FAM83G: variants seen among roughly 807,000 people sequenced by gnomAD.
FAM83G encodes protein FAM83G.
Under a neutral mutation model 61.5 loss-of-function variants are expected in FAM83G, and 38 were observed. The observed-to-expected ratio is 0.62, with a 90% CI of 0.48 to 0.81. The LOEUF is 0.81. FAM83G is among the 30% of genes least tolerant of loss of function. FAM83G has a pLI of 0.00. For missense variants in FAM83G, 989 were observed against 1,133.6 expected (o/e 0.87, Z 1.83); for synonymous variants, 470 against 476.1 (o/e 0.99, Z 0.17).
chr17:18,996,761 G>A lies in FAM83G; in HGVS notation c.522+6759C>T, dbSNP rs79096555. Reference sequence around the variant, plus strand: ...GGCCACCCTGTCAACTAGTGGCAGAGGTCTCCTGTTCCTAGGCTTTTCTCC... The same window carrying A: ...GGCCACCCTGTCAACTAGTGGCAGAAGTCTCCTGTTCCTAGGCTTTTCTCC... On this transcript the variant is annotated intron_variant, in intron 2 of 5. Coordinates refer to ENST00000388995, the MANE Select transcript of FAM83G (RefSeq NM_001039999.3). The surrounding 1 kb of genome is among the most constrained non-coding windows in gnomAD (Gnocchi z 4.4). Among the ~76,000 whole-genome samples, 1,532 of 152,312 alleles carry A rather than the reference G, an allele frequency of 0.01. 88 individuals carry two copies. In the East Asian group the frequency reaches 0.17, roughly 17 times the overall value.
chr17:18,995,143 C>G (rs950856657), intron 2 of FAM83G, among the ~76,000 whole-genome samples: 2 of 151,916 alleles, frequency 1.3e-5, no homozygotes, highest in African/African-American at 4.8e-5. Context: ...CACAAAGAAA[C>G]AAGAAAACAT....
rs1165670943 is a variant in FAM83G, at chr17:19,003,105, C to A, written c.522+415G>T. ...TTGGACCATGCCTATTCCCTCACCC[C>A]ACAACAAAAGCTCTCCCCACCAGAG... On this transcript the variant is annotated intron_variant, in intron 2 of 5. Coordinates refer to ENST00000388995, the MANE Select transcript of FAM83G (RefSeq NM_001039999.3). The surrounding 1 kb of genome is among the most constrained non-coding windows in gnomAD (Gnocchi z 4.5). Among the ~76,000 whole-genome samples the A allele has an allele frequency of 6.6e-6, 1 of 151,986 alleles. No homozygotes were observed. The highest frequency in any genetic ancestry group is 1.9e-4 in the East Asian group (1 of 5,198).
intron 4 of FAM83G, chr17:18,979,090 C>A (rs2043063155): frequency 1.7e-6 from 1 of 581,646 alleles, no homozygotes; most frequent in Non-Finnish European, 3.1e-6. Flanking sequence ...TCCTCTCAGG[C>A]TGGTACAGGA....
Position 18,996,275 on chromosome 17 carries a change from C to T in FAM83G, c.522+7245G>A, listed in dbSNP as rs899241748. Among the ~76,000 whole-genome samples, 1 of 152,188 alleles carries T rather than the reference C, an allele frequency of 6.6e-6. No homozygotes were observed. The highest frequency in any genetic ancestry group is 2.1e-4 in the South Asian group (1 of 4,826). Reference sequence around the variant, plus strand: ...AGACCCGCACTCCCTCCTCCAGCTGCAACCCCCTCCTCCAGCAGCACGGTT... The same window carrying T: ...AGACCCGCACTCCCTCCTCCAGCTGTAACCCCCTCCTCCAGCAGCACGGTT... On this transcript the variant is annotated intron_variant, in intron 2 of 5. Transcript: ENST00000388995. The surrounding 1 kb of genome is among the most constrained non-coding windows in gnomAD (Gnocchi z 4.4).
chr17:18,995,792 C>T (rs991323465), intron 2 of FAM83G, among the ~76,000 whole-genome samples: 6 of 152,052 alleles, frequency 3.9e-5, no homozygotes, highest in Admixed American at 3.9e-4. Context: ...CCTATAATCC[C>T]AGCTACTTGG....
Position 18,978,053 on chromosome 17 carries a change from C to T in FAM83G, c.1613G>A (p.Gly538Glu). ...ELPKEEAPQN[G>E]TDHRLPRMAG... Reference sequence around the variant, plus strand: ...CATCCTGGGTAGCCTATGGTCTGTCCCATTCTGGGGAGCTTCCTCTTTGGG... The same window carrying T: ...CATCCTGGGTAGCCTATGGTCTGTCTCATTCTGGGGAGCTTCCTCTTTGGG... The change falls in exon 5 of 6, where the codon GGG (glycine) becomes GAG (glutamate). Residue 538 changes from glycine to glutamate, a missense_variant. By Grantham distance (98) the Gly-to-Glu change is moderately conservative. Coordinates refer to ENST00000388995, the MANE Select transcript of FAM83G (RefSeq NM_001039999.3). 6.6e-7 allele frequency: 1 copy of T among 1,523,104 alleles called. No homozygotes were observed. 94.3% of individuals were successfully genotyped at this position (1,523,104 alleles called of 1,614,324 possible).
In FAM83G at chr17:18,978,612, C is replaced by T. The variant is rs772239714; in HGVS notation, c.1054G>A (p.Val352Ile). Residue 352 changes from valine (V) to isoleucine (I), a missense_variant, in exon 5 of 6, where the codon GTC (valine) becomes ATC (isoleucine). Physicochemically the swap from Val to Ile is conservative, Grantham distance 29. This residue lies in a region of FAM83G where 574 missense variants were observed against 645.1 expected (regional missense o/e 0.89). Transcript: ENST00000388995. ...KKLVNPKYAL[V>I]KAKSVDEIAK... ...ATCTCGTCGACGCTCTTGGCCTTGA[C>T]AAGTGCGTACTTGGGGTTGACGAGC... 2 of 1,613,172 alleles carry T rather than the reference C, an allele frequency of 1.2e-6. No individual in the cohort carries two copies. Among genetic ancestry groups the T allele is most frequent in the Non-Finnish European group, 1.7e-6 (2 of 1,180,008 alleles).
rs1380016143 is a variant in FAM83G at position 18,969,075 on chromosome 17, G to A, written c.*2284C>T. On this transcript the variant is annotated 3_prime_UTR_variant, in exon 6 of 6. Coordinates refer to ENST00000388995, the MANE Select transcript of FAM83G (RefSeq NM_001039999.3). ...AGCTGGACCTGTACGCGGGGGCTCT[G>A]TTTGTGCACATCTGCCTGGGCTGGA... 6.2e-7 allele frequency: 1 copy of A among 1,614,046 alleles called. No homozygotes were observed. The highest frequency in any genetic ancestry group is 8.5e-7 in the Non-Finnish European group (1 of 1,179,956).
At chr17:18,997,216 G>A (rs1029400559) in intron 2 of FAM83G, among the ~76,000 whole-genome samples, 4 of 152,234 alleles carry the variant, frequency 2.6e-5, no homozygotes, top group Non-Finnish European at 4.4e-5. Flanking sequence ...CTAGCCCAGT[G>A]GCATGAAGGC....
chr17:18,995,122 A>C (rs1438957527), intron 2 of FAM83G, among the ~76,000 whole-genome samples: 22 of 152,256 alleles, frequency 1.4e-4, no homozygotes, highest in Admixed American at 1.4e-3. Context: ...CCAATTAAAA[A>C]TTACCAGACA....
rs1056479091 is a variant in FAM83G at position 19,004,645 on chromosome 17, G to A, written c.-129+64C>T. 2.0e-5 allele frequency: 3 copies of A among 151,946 alleles called. No individual in the cohort carries two copies. Among genetic ancestry groups the A allele is most frequent in the Admixed American group, 6.5e-5 (1 of 15,274 alleles). 9.4% of individuals were successfully genotyped at this position (151,946 alleles called of 1,614,324 possible). ...AGGGGTCCAGGAGACCCAGAAACGCGGTTGCGGGGCGGCGACGCCCCGCGA... is the reference window on the plus strand; with the variant it reads ...AGGGGTCCAGGAGACCCAGAAACGCAGTTGCGGGGCGGCGACGCCCCGCGA... On this transcript the variant is annotated intron_variant, in intron 1 of 5. Coordinates refer to ENST00000388995, the MANE Select transcript of FAM83G (RefSeq NM_001039999.3). The surrounding 1 kb of genome is among the most constrained non-coding windows in gnomAD (Gnocchi z 5.4).
chr17:19,005,656 C>CCA (rs2043866311), upstream of FAM83G, among the ~76,000 whole-genome samples: 1 of 151,960 alleles, frequency 6.6e-6, no homozygotes, highest in South Asian at 2.1e-4. Flanking sequence ...AACCCCCCCC[C>CCA]TCCAAGGCCT....
intron 3 of FAM83G, among the ~76,000 whole-genome samples, chr17:18,979,943 G>GA (rs1755207921): frequency 6.6e-6 from 1 of 152,200 alleles, no homozygotes; most frequent in African/African-American, 2.4e-5. Context: ...GGCCCTAAAG[G>GA]TGTCTGAAGA....
Position 18,978,234 on chromosome 17 carries a change from G to A in FAM83G, c.1432C>T (p.Pro478Ser). The A allele has an allele frequency of 4.4e-6, 7 of 1,589,690 alleles. No individual in the cohort carries two copies. The highest frequency in any genetic ancestry group is 6.0e-6 in the Non-Finnish European group (7 of 1,167,176). The change falls in exon 5 of 6, where the codon CCA (proline) becomes TCA (serine). Residue 478 changes from proline (P) to serine (S), a missense_variant. By Grantham distance (74) the Pro-to-Ser change is moderately conservative. This residue lies in a region of FAM83G where 574 missense variants were observed against 645.1 expected (regional missense o/e 0.89). Coordinates refer to ENST00000388995, the MANE Select transcript of FAM83G (RefSeq NM_001039999.3). ...CCGTCCTGGGGGGCACTGGGCTCTG[G>A]GGGAGGGCAAGGCTCTGGACGGGGC... is the stretch of plus-strand genomic sequence containing the variant. The part of the protein sequence containing the change: ...SRPRPEPCPP[P>S]EPSAPQDGVP...
chr17:18,971,671 G>C lies in FAM83G; in HGVS notation c.2160C>G (p.Tyr720Ter), dbSNP rs1830175065. Residue 720 changes from tyrosine to a stop codon, truncating the protein, a stop_gained, in exon 6 of 6, where the codon TAC (tyrosine) becomes TAG (stop). Transcript: ENST00000388995. LOFTEE classifies it high-confidence loss of function. This position sits in a 1 kb window ranked among gnomAD's most constrained non-coding sequence, Gnocchi z 5.5. ...TCTGGACGCTGTCAGCAGCAGAGCG[G>C]TACCTAGGGGGTCCTGGGAAGCCGT... ...DKDGFPGPPR[Y>*]RSAADSVQSS... 6.2e-7 allele frequency: 1 copy of C among 1,611,632 alleles called. No homozygotes were observed. Among genetic ancestry groups the C allele is most frequent in the Non-Finnish European group, 8.5e-7 (1 of 1,178,748 alleles).
Position 18,970,527 on chromosome 17 carries a change from G to GACGC in FAM83G, c.*831_*832insGCGT. 5.8e-6 allele frequency: 1 copy of GACGC among 173,188 alleles called. No homozygotes were observed. The highest frequency in any genetic ancestry group is 1.3e-4 in the South Asian group (1 of 7,430). 10.7% of individuals were successfully genotyped at this position (173,188 alleles called of 1,614,324 possible). A position where few individuals can be genotyped will look rare whatever the true frequency, so the allele number is the denominator to read the frequency against. ...CTCTGGACCTGTCTCCCTCTTCTCT[G>GACGC]TGCCTCAGGGGGTGGGGCCACATCA... On this transcript the variant is annotated 3_prime_UTR_variant, in exon 6 of 6. Coordinates refer to ENST00000388995, the MANE Select transcript of FAM83G (RefSeq NM_001039999.3).
chr17:18,990,409 CCT>C, intron 2 of FAM83G, among the ~76,000 whole-genome samples: 1 of 152,240 alleles, frequency 6.6e-6, no homozygotes, highest in Non-Finnish European at 1.5e-5. Flanking sequence ...CCCAGAATCT[CCT>C]TAGTTAAGCC....
chr17:18,985,446 G>C (rs1597864262), intron 3 of FAM83G, among the ~76,000 whole-genome samples: 1 of 152,320 alleles, frequency 6.6e-6, no homozygotes, highest in East Asian at 1.9e-4. Flanking sequence ...ACCCTGCCTG[G>C]GCCCAAAGGA....
chr17:18,995,458 T>C (rs530072997), intron 2 of FAM83G, among the ~76,000 whole-genome samples: 1 of 152,274 alleles, frequency 6.6e-6, no homozygotes, highest in South Asian at 2.1e-4. Flanking sequence ...TGAAAGAACA[T>C]GAACACAGCA....
Sources: allele counts gnomAD v4.1 joint callset (sites outside exome capture counted in the v4.1 genomes callset), GRCh38; gene constraint gnomAD v4.1.1; regional missense constraint gnomAD v4.1.1; non-coding constraint Gnocchi (gnomAD v3.1); transcripts MANE v1.5; gene names NCBI Gene and HGNC (gene_info 2026-07-23, HGNC 2026-07-21).